FER: variants seen among roughly 807,000 people sequenced by gnomAD.
FER encodes the protein tyrosine-protein kinase Fer.
Under a neutral mutation model 111.0 loss-of-function variants are expected in FER, and 63 were observed. The ratio of observed to expected loss-of-function variants is 0.57; its 90% confidence interval spans 0.46 to 0.70. FER has a LOEUF of 0.70. Among genes scored for constraint, FER ranks in the 30% least tolerant of loss-of-function variants. FER has a pLI of 0.00. For synonymous variants in FER, 327 were observed against 313.9 expected, an observed-to-expected ratio of 1.04 and a Z score of -0.44; for missense variants, 914 against 954.0, an observed-to-expected ratio of 0.96 and a Z score of 0.55.
chr5:109,135,157 G>A (rs1436637180), intron 17 of FER, among the ~76,000 whole-genome samples: 1 of 152,186 alleles, frequency 6.6e-6, no homozygotes, highest in African/African-American at 2.4e-5. Flanking sequence ...AAGACAGGTG[G>A]GGAAATGGTT....
At chr5:109,108,521 C>T (rs1053859428) in intron 17 of FER, among the ~76,000 whole-genome samples, 2 of 152,102 alleles carry the variant, frequency 1.3e-5, no homozygotes, top group African/African-American at 2.4e-5. Flanking sequence ...CCTCACATTT[C>T]ATGTCACAGG....
chr5:109,051,720 G>T, intron 16 of FER: 1 of 1,566,714 alleles, frequency 6.4e-7, no homozygotes, highest in Non-Finnish European at 8.8e-7. Flanking sequence ...TGGTCGCATG[G>T]TAAGGGTCGC....
chr5:109,183,484 G>T (rs925506459), intron 18 of FER, among the ~76,000 whole-genome samples: 8 of 152,054 alleles, frequency 5.3e-5, no homozygotes, highest in African/African-American at 1.9e-4. Context: ...CCTGACCTCT[G>T]GTGATCCACC....
chr5:109,117,331 G>A (rs1199468142), intron 17 of FER, among the ~76,000 whole-genome samples: 1 of 151,948 alleles, frequency 6.6e-6, no homozygotes, highest in Non-Finnish European at 1.5e-5. Flanking sequence ...TCATGTGTTG[G>A]TAATTCTCTA....
At chr5:109,055,722 G>A (rs1773538491) in intron 16 of FER, among the ~76,000 whole-genome samples, 2 of 149,572 alleles carry the variant, frequency 1.3e-5, no homozygotes, top group African/African-American at 4.9e-5. Context: ...GGGAGGTTGA[G>A]TCTGCAGTGA....
intron 13 of FER, among the ~76,000 whole-genome samples, chr5:109,008,161 T>C (rs1245847650): frequency 1.3e-5 from 2 of 152,282 alleles, no homozygotes; most frequent in Admixed American, 6.5e-5. Context: ...ATAAAGTGTA[T>C]CTCTCTTTAA....
chr5:109,083,431 C>T (rs1777213542), intron 16 of FER, among the ~76,000 whole-genome samples: 1 of 152,008 alleles, frequency 6.6e-6, no homozygotes, highest in Non-Finnish European at 1.5e-5. Flanking sequence ...TATTGTTCAG[C>T]CTACAAATCC....
intron 8 of FER, among the ~76,000 whole-genome samples, chr5:108,875,788 T>C (rs1765027394): frequency 1.3e-5 from 2 of 152,124 alleles, no homozygotes; most frequent in African/African-American, 2.4e-5. Context: ...AAAGAAGAAA[T>C]TTTGATTAAT....
chr5:108,810,810 G>A (rs538952023), intron 3 of FER, among the ~76,000 whole-genome samples: 3 of 152,290 alleles, frequency 2.0e-5, no homozygotes, highest in African/African-American at 7.2e-5. Flanking sequence ...AGGTGTTTCA[G>A]CTGTCTGGAG....
intron 12 of FER, 113 bp downstream of exon 12, chr5:108,955,045 C>G: frequency 1.2e-6 from 1 of 866,864 alleles, no homozygotes; most frequent in Non-Finnish European, 1.7e-6. Context: ...AAATTTAGCA[C>G]TTAATTTTTT....
At chr5:108,987,714 G>C (rs576233993) in intron 13 of FER, among the ~76,000 whole-genome samples, 1 of 151,976 alleles carries the variant, frequency 6.6e-6, no homozygotes, top group Non-Finnish European at 1.5e-5. Flanking sequence ...GGGTTTTCTA[G>C]GTATACAATC....
intron 2 of FER, among the ~76,000 whole-genome samples, chr5:108,781,190 T>C (rs1261608924): frequency 6.6e-6 from 1 of 151,736 alleles, no homozygotes; most frequent in Admixed American, 6.6e-5. Flanking sequence ...TCAGACTGTG[T>C]TTTTTTGTTT....
chr5:108,970,891 A>C (rs952411821), intron 13 of FER, among the ~76,000 whole-genome samples: 1 of 152,168 alleles, frequency 6.6e-6, no homozygotes, highest in Non-Finnish European at 1.5e-5. Context: ...AAGGCCCTGA[A>C]TACCAGAATT....
At chr5:109,003,289 A>C (rs1765051560) in intron 13 of FER, among the ~76,000 whole-genome samples, 1 of 151,022 alleles carries the variant, frequency 6.6e-6, no homozygotes, top group Admixed American at 6.6e-5. Context: ...ATGCAGCTAT[A>C]AAAAATGATG....
chr5:108,752,650 A>G (rs370532075), intron 1 of FER, among the ~76,000 whole-genome samples: 2 of 152,080 alleles, frequency 1.3e-5, no homozygotes, highest in African/African-American at 4.8e-5. Flanking sequence ...ATATGAGGCC[A>G]TATTTTTTCT....
At position 108,835,192 on chromosome 5, in the gene FER, C is replaced by T. The variant is rs190406944; in HGVS notation, c.382-516C>T. Among the ~76,000 whole-genome samples, 2 of 121,538 alleles carry T rather than the reference C, an allele frequency of 1.6e-5. 1 individual carries two copies. The highest frequency in any genetic ancestry group is 6.7e-5 in the African/African-American group (2 of 29,870). The allele number at this position is 121,538 out of a possible 152,430, so 79.7% of individuals were successfully genotyped here. A position where few individuals can be genotyped will look rare whatever the true frequency, so the allele number is the denominator to read the frequency against. On this transcript the variant is annotated intron_variant, in intron 4 of 19. Transcript: ENST00000281092. ...ATTTCTTCGTTTGCGCCACCCCCCCCCCCCCACTTTTTTTTTGAGTCAAGT... is the reference window on the plus strand; with the variant it reads ...ATTTCTTCGTTTGCGCCACCCCCCCTCCCCCACTTTTTTTTTGAGTCAAGT...
chr5:109,171,923 A>G (rs963789556), intron 17 of FER, among the ~76,000 whole-genome samples: 2 of 152,216 alleles, frequency 1.3e-5, no homozygotes, highest in Non-Finnish European at 2.9e-5. Context: ...GCAAATCAAA[A>G]CCACAGTGAG....
At chr5:108,919,019 T>C (rs1752655218) in intron 10 of FER, among the ~76,000 whole-genome samples, 3 of 152,352 alleles carry the variant, frequency 2.0e-5, no homozygotes, top group Middle Eastern at 6.8e-3. Context: ...TTTAAAACAA[T>C]TAGATAATTT....
chr5:109,161,527 T>A (rs1303619173), intron 17 of FER, among the ~76,000 whole-genome samples: 1 of 152,114 alleles, frequency 6.6e-6, no homozygotes, highest in African/African-American at 2.4e-5. Flanking sequence ...GGTTTTCTCT[T>A]CCTGCATTAG....
Sources: gnomAD v4.1 joint callset for allele counts (sites outside exome capture counted in the v4.1 genomes callset) on GRCh38, gnomAD v4.1.1 for gene constraint, MANE v1.5 for transcripts, NCBI Gene and HGNC (gene_info 2026-07-23, HGNC 2026-07-21) for gene names.